The following NBAS variants were observed in gnomAD, a reference collection of about 807,000 sequenced individuals.
NBAS encodes the protein NAG/BC035112 fusion.
In NBAS, 219 loss-of-function variants were observed where a neutral mutation model predicts 302.5. The observed-to-expected ratio is 0.72, with a 90% CI of 0.65 to 0.81. The LOEUF (loss-of-function observed/expected upper bound fraction) is 0.81, where lower values mean the gene tolerates loss of function less well. Ranked by LOEUF, NBAS falls within the 30% of genes least tolerant of loss-of-function variation. The pLI, the probability that NBAS is intolerant of heterozygous loss-of-function variation, is 0.00. For missense variants in NBAS, 2,932 were observed against 2,841.6 expected (o/e 1.03, Z -0.72); for synonymous variants, 1,118 against 1,021.6 (o/e 1.09, Z -1.80).
intron 11 of NBAS, among the ~76,000 whole-genome samples, chr2:15,493,009 A>G (rs1680927715): frequency 6.6e-6 from 1 of 151,986 alleles, no homozygotes; most frequent in African/African-American, 2.4e-5. Context: ...CAGGGGAGGG[A>G]CCTAGTGGGA....
At chr2:15,428,980 G>A (rs1677621315) in intron 21 of NBAS, among the ~76,000 whole-genome samples, 1 of 151,466 alleles carries the variant, frequency 6.6e-6, no homozygotes, top group South Asian at 2.1e-4. Context: ...AGAGCTCACA[G>A]TGAGCTCAGA....
the NBAS span, among the ~76,000 whole-genome samples, chr2:14,782,934 T>A: frequency 6.6e-6 from 1 of 151,840 alleles, no homozygotes; most frequent in Non-Finnish European, 1.5e-5. Context: ...TAGAGGGGAA[T>A]AATAGACACT....
the NBAS span, among the ~76,000 whole-genome samples, chr2:14,889,006 C>G: frequency 6.6e-6 from 1 of 152,156 alleles, no homozygotes. Context: ...GTTCGGAACT[C>G]CCTTTTTGAC....
chr2:15,467,933 C>T (rs969261484), intron 17 of NBAS, 129 bp from the exon 18 acceptor site: 14 of 878,302 alleles, frequency 1.6e-5, no homozygotes, highest in Admixed American at 5.5e-5. Context: ...TTGAAAAAAA[C>T]TTTTGCCATT....
At chr2:15,049,170 G>A in the NBAS span, among the ~76,000 whole-genome samples, 1 of 152,180 alleles carries the variant, frequency 6.6e-6, no homozygotes, top group Admixed American at 6.5e-5. Context: ...AGGACTCAAG[G>A]CCGGCAGCTG....
chr2:15,162,910 C>T (rs1340444884), downstream of NBAS, among the ~76,000 whole-genome samples: 3 of 152,218 alleles, frequency 2.0e-5, no homozygotes, highest in African/African-American at 7.2e-5. Flanking sequence ...AATGCAGGCT[C>T]TCTCCAAAGA....
Position 15,275,446 on chromosome 2 carries a change from A to G in NBAS, c.5724+38T>C, listed in dbSNP as rs774142581. 8.9e-6 allele frequency: 14 copies of G among 1,579,228 alleles called. No homozygotes were observed. The South Asian group carries it at 1.4e-4, about 15-fold the overall frequency. Reference sequence around the variant, plus strand: ...TGTAGGAGAAATTTTCATTTCTTCTACTGTGCTCAAACCACTTTAAAATAT... The same window carrying G: ...TGTAGGAGAAATTTTCATTTCTTCTGCTGTGCTCAAACCACTTTAAAATAT... On this transcript the variant is annotated intron_variant, in intron 44 of 51. Coordinates refer to ENST00000281513, the MANE Select transcript of NBAS (RefSeq NM_015909.4).
chr2:15,156,177 G>C, the NBAS span, among the ~76,000 whole-genome samples: 1 of 152,158 alleles, frequency 6.6e-6, no homozygotes, highest in African/African-American at 2.4e-5. Flanking sequence ...GGAGGGCAAT[G>C]ATGCTGACAA....
At chr2:14,792,640 C>T in the NBAS span, among the ~76,000 whole-genome samples, 307 of 151,836 alleles carry the variant, frequency 2.0e-3, no homozygotes, top group African/African-American at 7.2e-3. Context: ...AACCCTAGTT[C>T]TACCCTAGTT....
chr2:15,391,988 A>T (rs1290999845), intron 28 of NBAS, among the ~76,000 whole-genome samples: 1 of 151,190 alleles, frequency 6.6e-6, no homozygotes. Flanking sequence ...ACAAACAAAG[A>T]TGTACAAATG....
the NBAS span, among the ~76,000 whole-genome samples, chr2:14,887,260 C>T: frequency 1.3e-5 from 2 of 152,076 alleles, no homozygotes; most frequent in African/African-American, 2.4e-5. Flanking sequence ...AAAAATTATT[C>T]GGGCATGGTG....
chr2:15,055,736 A>G, the NBAS span, among the ~76,000 whole-genome samples: 1 of 152,336 alleles, frequency 6.6e-6, no homozygotes, highest in East Asian at 1.9e-4. Context: ...GTTAGAAAAT[A>G]CAGCATGGCA....
the NBAS span, among the ~76,000 whole-genome samples, chr2:14,847,904 T>G: frequency 2.0e-5 from 3 of 152,250 alleles, no homozygotes; most frequent in East Asian, 3.9e-4. Flanking sequence ...CTTAAAACGT[T>G]CAAAAATTGA....
chr2:15,093,104 A>T, the NBAS span, among the ~76,000 whole-genome samples: 1 of 152,162 alleles, frequency 6.6e-6, no homozygotes, highest in Admixed American at 6.5e-5. Flanking sequence ...GTAATCAAAG[A>T]CGTGAAACTA....
the NBAS span, among the ~76,000 whole-genome samples, chr2:14,843,561 C>CAG: frequency 7.3e-6 from 1 of 137,896 alleles, no homozygotes. Flanking sequence ...GACACAGACA[C>CAG]ACACACACAC....
At chr2:15,044,450 T>C in the NBAS span, among the ~76,000 whole-genome samples, 2 of 152,216 alleles carry the variant, frequency 1.3e-5, no homozygotes, top group Non-Finnish European at 2.9e-5. Context: ...AGGTTTTTCA[T>C]AAGATAGAAA....
the NBAS span, among the ~76,000 whole-genome samples, chr2:15,077,645 G>A: frequency 6.6e-6 from 1 of 151,970 alleles, no homozygotes; most frequent in Non-Finnish European, 1.5e-5. Context: ...GGATGGGAAG[G>A]GAAACCCAAG....
intron 23 of NBAS, among the ~76,000 whole-genome samples, chr2:15,418,501 G>A (rs554752351): frequency 6.6e-6 from 1 of 152,270 alleles, no homozygotes; most frequent in East Asian, 1.9e-4. Flanking sequence ...ACAAAACTGA[G>A]TAAGATGAGG....
chr2:15,372,786 C>T (rs1187172399), intron 31 of NBAS, among the ~76,000 whole-genome samples: 1 of 152,188 alleles, frequency 6.6e-6, no homozygotes, highest in South Asian at 2.1e-4. Context: ...TGCAGGTATT[C>T]AAACCCAGCA....
Sources: gnomAD v4.1 joint callset for allele counts (sites outside exome capture counted in the v4.1 genomes callset) on GRCh38, gnomAD v4.1.1 for gene constraint, MANE v1.5 for transcripts, NCBI Gene and HGNC (gene_info 2026-07-23, HGNC 2026-07-21) for gene names.